Variants in SOBP observed in about 807,000 individuals in gnomAD.
SOBP encodes sine oculis-binding protein homolog.
A neutral mutation model predicts 53.6 loss-of-function variants in SOBP; 4 were observed. The observed-to-expected ratio is 0.07, with a 90% confidence interval of 0.04 to 0.17. The LOEUF (loss-of-function observed/expected upper bound fraction) is 0.17, where lower values mean the gene tolerates loss of function less well. Among genes scored for constraint, SOBP ranks in the 10% least tolerant of loss-of-function variants. SOBP has a pLI of 1.00. For missense variants in SOBP, 1,088 were observed against 1,204.7 expected (o/e 0.90, Z 1.43); for synonymous variants, 584 against 522.6 (o/e 1.12, Z -1.60).
rs1367818638 is a variant in SOBP at position 107,660,914 on chromosome 6, C to T, written c.*2711C>T. ...GACCTGATTTTCTTCTCCCATGGAG[C>T]CCGAGAGAATCTTGGAGGCTTCCTG... is the stretch of plus-strand genomic sequence containing the variant. On this transcript the variant is annotated 3_prime_UTR_variant, in exon 7 of 7. Transcript: ENST00000317357. Among the ~76,000 whole-genome samples, 2 of 152,206 alleles carry T rather than the reference C, an allele frequency of 1.3e-5. No homozygotes were observed. Among genetic ancestry groups the T allele is most frequent in the Admixed American group, 6.5e-5 (1 of 15,278 alleles).
chr6:107,535,689 C>CTT (rs145385523), intron 4 of SOBP, among the ~76,000 whole-genome samples: 5 of 142,482 alleles, frequency 3.5e-5, no homozygotes, highest in African/African-American at 1.3e-4. Context: ...TTGTTGGCTT[C>CTT]TTTTTTTTTA....
At chr6:107,617,426 A>G (rs1358765823) in intron 5 of SOBP, among the ~76,000 whole-genome samples, 1 of 152,194 alleles carries the variant, frequency 6.6e-6, no homozygotes, top group Non-Finnish European at 1.5e-5. Context: ...ATTATTATAC[A>G]GGGTTGGGTT....
At position 107,660,357 on chromosome 6, in the gene SOBP, G is replaced by A. The variant is rs1474091167; in HGVS notation, c.*2154G>A. 2.6e-5 allele frequency among the ~76,000 whole-genome samples: 4 copies of A among 152,154 alleles called. No individual in the cohort carries two copies. The highest frequency in any genetic ancestry group is 6.5e-5 in the Admixed American group (1 of 15,276). Reference sequence around the variant, plus strand: ...TTGTCTGCAGACAAGAGCCCACTCCGTCCGTTCCAGGGCCTGCTTCCTAAC... The same window carrying A: ...TTGTCTGCAGACAAGAGCCCACTCCATCCGTTCCAGGGCCTGCTTCCTAAC... On this transcript the variant is annotated 3_prime_UTR_variant, in exon 7 of 7. Coordinates refer to ENST00000317357, the MANE Select transcript of SOBP (RefSeq NM_018013.4).
intron 4 of SOBP, among the ~76,000 whole-genome samples, chr6:107,551,345 T>A (rs1324419502): frequency 6.6e-6 from 1 of 152,198 alleles, no homozygotes; most frequent in Non-Finnish European, 1.5e-5. Context: ...GTAAAATGGC[T>A]TAGTATGCTA....
chr6:107,580,096 G>A (rs1228558084), intron 4 of SOBP, among the ~76,000 whole-genome samples: 1 of 152,188 alleles, frequency 6.6e-6, no homozygotes, highest in Non-Finnish European at 1.5e-5. Context: ...GTGAAAGGGA[G>A]GGCAAGGGAT....
chr6:107,629,161 G>A (rs1281675402), intron 5 of SOBP, among the ~76,000 whole-genome samples: 3 of 151,892 alleles, frequency 2.0e-5, no homozygotes, highest in Non-Finnish European at 4.4e-5. Context: ...CAGATGAAGT[G>A]GAAAGCACGT....
At chr6:107,550,718 T>C (rs1009271388) in intron 4 of SOBP, among the ~76,000 whole-genome samples, 1 of 151,922 alleles carries the variant, frequency 6.6e-6, no homozygotes, top group Admixed American at 6.5e-5. Context: ...ATGGGATGGA[T>C]AGAAAAAAGG....
chr6:107,656,289 AAG>A (rs1366000085), intron 6 of SOBP, among the ~76,000 whole-genome samples: 1 of 25,672 alleles, frequency 3.9e-5, no homozygotes, highest in African/African-American at 1.9e-4. Flanking sequence ...AAAGAAAGAA[AAG>A]AAAGAAAGAA....
At chr6:107,534,364 C>T (rs776775717) in intron 4 of SOBP, among the ~76,000 whole-genome samples, 5 of 152,178 alleles carry the variant, frequency 3.3e-5, no homozygotes, top group African/African-American at 4.8e-5. Flanking sequence ...TTTCTGAATC[C>T]TTAAAGAACT....
At chr6:107,611,598 G>C (rs2818255) in intron 5 of SOBP, among the ~76,000 whole-genome samples, 134,951 of 152,216 alleles carry the variant, frequency 0.89, 61,650 homozygotes, top group Non-Finnish European at 0.99. Context: ...TATGTGCTGT[G>C]TGGCCGGGCC....
At position 107,635,075 on chromosome 6, in the gene SOBP, AGCCGCCGCCGCC is replaced by A; in HGVS notation, c.2241_2252del (p.Pro748_Pro751del). 2 of 1,564,954 alleles carry A rather than the reference AGCCGCCGCCGCC, an allele frequency of 1.3e-6. No homozygotes were observed. The highest frequency in any genetic ancestry group is 1.7e-4 in the Middle Eastern group (1 of 5,910). Reference sequence around the variant, plus strand: ...AAGAGCGCGGAGCCGCCTCCCGAGCAGCCGCCGCCGCCGCCGCCGCCCGCGCCCCCCAAGAAG... The same window carrying A: ...AAGAGCGCGGAGCCGCCTCCCGAGCAGCCGCCGCCCGCGCCCCCCAAGAAG... On this transcript the variant is annotated inframe_deletion, in exon 6 of 7. Coordinates refer to ENST00000317357, the MANE Select transcript of SOBP (RefSeq NM_018013.4). The surrounding 1 kb of genome is among the most constrained non-coding windows in gnomAD (Gnocchi z 4.5).
chr6:107,613,160 A>C (rs918799845), intron 5 of SOBP, among the ~76,000 whole-genome samples: 1 of 152,204 alleles, frequency 6.6e-6, no homozygotes, highest in African/African-American at 2.4e-5. Flanking sequence ...TGCTGTTTTT[A>C]AACAGGAACT....
rs114313709 is a variant in SOBP at position 107,597,509 on chromosome 6, G to A, written c.669+10334G>A. On this transcript the variant is annotated intron_variant, in intron 5 of 6. Coordinates refer to ENST00000317357, the MANE Select transcript of SOBP (RefSeq NM_018013.4). Reference sequence around the variant, plus strand: ...TAGAAATGTGGGTATTTATATATAGGAAAAGGAAAATAAACAAGCATTACT... The same window carrying A: ...TAGAAATGTGGGTATTTATATATAGAAAAAGGAAAATAAACAAGCATTACT... Among the ~76,000 whole-genome samples, 868 of 152,178 alleles carry A rather than the reference G, an allele frequency of 5.7e-3. 13 individuals carry two copies. Among genetic ancestry groups the A allele is most frequent in the African/African-American group, 0.02 (810 of 41,522 alleles).
Position 107,634,081 on chromosome 6 carries a change from C to T in SOBP, c.1237C>T (p.Arg413Cys), listed in dbSNP as rs1770847526. The T allele has an allele frequency of 1.9e-6, 3 of 1,599,036 alleles. No individual in the cohort carries two copies. Among genetic ancestry groups the T allele is most frequent in the Non-Finnish European group, 2.6e-6 (3 of 1,171,872 alleles). Residue 413 changes from arginine (R) to cysteine (C), a missense_variant, in exon 6 of 7, where the codon CGC becomes TGC. Arg to Cys is a radical substitution (Grantham distance 180). Coordinates refer to ENST00000317357, the MANE Select transcript of SOBP (RefSeq NM_018013.4). The surrounding 1 kb of genome is among the most constrained non-coding windows in gnomAD (Gnocchi z 4.5). ...IMQQIRPPFI[R>C]GPPHHASNPN... ...GCAGCAGATCCGCCCGCCCTTCATCCGCGGGCCTCCGCACCATGCCTCCAA... is the reference window on the plus strand; with the variant it reads ...GCAGCAGATCCGCCCGCCCTTCATCTGCGGGCCTCCGCACCATGCCTCCAA...
intron 4 of SOBP, among the ~76,000 whole-genome samples, chr6:107,542,399 G>A (rs985037507): frequency 5.9e-5 from 9 of 152,134 alleles, no homozygotes; most frequent in Non-Finnish European, 1.3e-4. Flanking sequence ...TGTCTGGAGC[G>A]GAATGATCAA....
At chr6:107,551,882 A>G (rs1784469119) in intron 4 of SOBP, among the ~76,000 whole-genome samples, 1 of 152,134 alleles carries the variant, frequency 6.6e-6, no homozygotes, top group Non-Finnish European at 1.5e-5. Flanking sequence ...TTAGCTGGGC[A>G]TGGTGGTGCA....
intron 1 of SOBP, among the ~76,000 whole-genome samples, chr6:107,497,398 T>G (rs1315555486): frequency 6.6e-6 from 1 of 152,220 alleles, no homozygotes; most frequent in Admixed American, 6.5e-5. Context: ...ATAGCTGATG[T>G]AATTGTCTAT....
intron 5 of SOBP, among the ~76,000 whole-genome samples, chr6:107,613,035 A>G (rs986922577): frequency 2.0e-5 from 3 of 152,236 alleles, no homozygotes; most frequent in African/African-American, 4.8e-5. Context: ...TATTGGGAAT[A>G]ATGCTGAAAT....
Position 107,490,536 on chromosome 6 carries a change from T to TCCACCGCCG in SOBP, c.-78_-70dup. The TCCACCGCCG allele has an allele frequency of 3.9e-6, 4 of 1,014,364 alleles. No individual in the cohort carries two copies. The highest frequency in any genetic ancestry group is 5.9e-6 in the Non-Finnish European group (4 of 674,058). The allele number at this position is 1,014,364 out of a possible 1,614,324, so 62.8% of individuals were successfully genotyped here. On this transcript the variant is annotated 5_prime_UTR_variant, in exon 1 of 7. Transcript: ENST00000317357. ...CAGCCTCGCCACCATCAGCACCACC[T>TCCACCGCCG]CCACCGCCGCCGCCGCCGCCACCAC...
Sources: gnomAD v4.1 joint callset for allele counts (sites outside exome capture counted in the v4.1 genomes callset) on GRCh38, gnomAD v4.1.1 for gene constraint, Gnocchi (gnomAD v3.1) non-coding constraint, MANE v1.5 for transcripts, NCBI Gene and HGNC (gene_info 2026-07-23, HGNC 2026-07-21) for gene names.